PCDH15: variants seen among roughly 807,000 people sequenced by gnomAD.
PCDH15 encodes the protein protocadherin related 15.
A neutral mutation model predicts 178.5 loss-of-function variants in PCDH15; 129 were observed. That is an observed-to-expected ratio of 0.72 (90% confidence interval 0.63 to 0.84). The LOEUF (loss-of-function observed/expected upper bound fraction) is 0.84, where lower values mean the gene tolerates loss of function less well. Among genes scored for constraint, PCDH15 ranks in the 40% least tolerant of loss-of-function variants. The pLI is 0.00. For missense variants in PCDH15, 2,230 were observed against 2,099.9 expected (o/e 1.06, Z -1.21); for synonymous variants, 800 against 732.0 (o/e 1.09, Z -1.50).
At chr10:55,083,426 C>T (rs1265532260) in intron 2 of PCDH15, among the ~76,000 whole-genome samples, 1 of 151,746 alleles carries the variant, frequency 6.6e-6, no homozygotes, top group Admixed American at 6.6e-5. Flanking sequence ...ATAAAAAACA[C>T]ATATGAGAGA....
intron 18 of PCDH15, among the ~76,000 whole-genome samples, chr10:54,051,493 T>C (rs933466435): frequency 6.6e-6 from 1 of 152,176 alleles, no homozygotes; most frequent in African/African-American, 2.4e-5. Context: ...GCTCCTGCTA[T>C]GCAAAGAGAC....
At chr10:55,136,007 A>G (rs571232892) in intron 2 of PCDH15, among the ~76,000 whole-genome samples, 1 of 152,336 alleles carries the variant, frequency 6.6e-6, no homozygotes, top group African/African-American at 2.4e-5. Context: ...CACAAAAGCA[A>G]AATACATAAT....
In PCDH15 at chr10:54,444,825, A is replaced by T. The variant is rs548832152; in HGVS notation, c.158-65883T>A. On this transcript the variant is annotated intron_variant, in intron 3 of 37. Coordinates refer to ENST00000644397, the MANE Select transcript of PCDH15 (RefSeq NM_001384140.1). Reference sequence around the variant, plus strand: ...ATAGGACCATTCTATTTATTTTCCTAAACTCTGGCAGCAAGATTAGCTCTA... The same window carrying T: ...ATAGGACCATTCTATTTATTTTCCTTAACTCTGGCAGCAAGATTAGCTCTA... Among the ~76,000 whole-genome samples, 236 of 151,706 alleles carry T rather than the reference A, an allele frequency of 1.6e-3. 1 individual carries two copies. The highest frequency in any genetic ancestry group is 5.5e-3 in the African/African-American group (229 of 41,442).
At chr10:53,899,146 G>GA (rs1554850749) in intron 26 of PCDH15, among the ~76,000 whole-genome samples, 2 of 149,654 alleles carry the variant, frequency 1.3e-5, no homozygotes, top group Non-Finnish European at 3.0e-5. Flanking sequence ...TTTTTTCGGG[G>GA]GGGGGTGGTC....
At chr10:55,186,759 G>GTA in intron 1 of PCDH15, among the ~76,000 whole-genome samples, 1 of 151,230 alleles carries the variant, frequency 6.6e-6, no homozygotes, top group African/African-American at 2.4e-5. Context: ...GTGTGTGTGT[G>GTA]TATTTTTTTT....
chr10:53,906,198 G>T (rs2082670023), intron 25 of PCDH15, among the ~76,000 whole-genome samples: 2 of 151,548 alleles, frequency 1.3e-5, no homozygotes, highest in African/African-American at 4.8e-5. Context: ...TGACTTAGAT[G>T]TTAGAATAAA....
At chr10:54,814,631 G>A (rs117001842) in intron 3 of PCDH15, among the ~76,000 whole-genome samples, 6,076 of 152,160 alleles carry the variant, frequency 0.04, 187 homozygotes, top group Non-Finnish European at 0.062. Flanking sequence ...ATCAGAATAA[G>A]GTCTTTCTGT....
chr10:55,198,649 A>T (rs1293686380), intron 1 of PCDH15, among the ~76,000 whole-genome samples: 2 of 148,998 alleles, frequency 1.3e-5, no homozygotes, highest in Non-Finnish European at 3.0e-5. Context: ...CACCACGCCC[A>T]GCTAATTTTT....
intron 3 of PCDH15, among the ~76,000 whole-genome samples, chr10:54,855,319 C>T (rs1591744926): frequency 6.6e-6 from 1 of 152,164 alleles, no homozygotes; most frequent in African/African-American, 2.4e-5. Flanking sequence ...GGGACTCCTG[C>T]TTGCTCTTGG....
chr10:54,387,950 G>T (rs1471534045), intron 3 of PCDH15, among the ~76,000 whole-genome samples: 9 of 152,092 alleles, frequency 5.9e-5, no homozygotes, highest in Non-Finnish European at 1.2e-4. Context: ...TGACAAAGTA[G>T]GTTGTTACCA....
intron 21 of PCDH15, among the ~76,000 whole-genome samples, chr10:53,988,904 G>GA (rs574627088): frequency 9.9e-5 from 15 of 151,600 alleles, no homozygotes; most frequent in Admixed American, 3.3e-4. Flanking sequence ...ATTGAGAAAA[G>GA]AAAAAAAACA....
At chr10:54,537,545 T>C (rs922393373) in intron 2 of PCDH15, among the ~76,000 whole-genome samples, 9 of 152,132 alleles carry the variant, frequency 5.9e-5, no homozygotes, top group Admixed American at 3.3e-4. Flanking sequence ...CCAAGGCAAA[T>C]AAAGCTGCAC....
chr10:55,047,061 A>C (rs1181458514), intron 2 of PCDH15, among the ~76,000 whole-genome samples: 2 of 151,824 alleles, frequency 1.3e-5, no homozygotes, highest in African/African-American at 4.8e-5. Flanking sequence ...CTTCAGTTGA[A>C]TATCTAAGAT....
intron 1 of PCDH15, among the ~76,000 whole-genome samples, chr10:54,739,678 A>G (rs917243858): frequency 6.6e-6 from 1 of 151,962 alleles, no homozygotes; most frequent in African/African-American, 2.4e-5. Context: ...ATGCCGTCAT[A>G]GAAATATACA....
At chr10:53,885,714 T>C (rs1400614519) in intron 26 of PCDH15, among the ~76,000 whole-genome samples, 1 of 152,188 alleles carries the variant, frequency 6.6e-6, no homozygotes, top group Non-Finnish European at 1.5e-5. Flanking sequence ...TCAGTATTCA[T>C]ATAAGAGAAC....
At chr10:53,947,667 TC>T (rs2086686789) in intron 23 of PCDH15, among the ~76,000 whole-genome samples, 1 of 152,074 alleles carries the variant, frequency 6.6e-6, no homozygotes, top group Non-Finnish European at 1.5e-5. Context: ...AAGACATGAA[TC>T]AGGAGAGAGA....
chr10:54,598,695 G>A (rs1367091575), intron 2 of PCDH15, among the ~76,000 whole-genome samples: 3 of 152,162 alleles, frequency 2.0e-5, no homozygotes, highest in Non-Finnish European at 4.4e-5. Context: ...AATCCTGTTT[G>A]CAGATGAAAT....
At chr10:55,260,551 T>G (rs1842122812) in intron 1 of PCDH15, among the ~76,000 whole-genome samples, 1 of 152,194 alleles carries the variant, frequency 6.6e-6, no homozygotes, top group Non-Finnish European at 1.5e-5. Flanking sequence ...TATCAATGTT[T>G]CCATGGAGTT....
chr10:55,528,562 T>A (rs551411659), intron 2 of PCDH15, among the ~76,000 whole-genome samples: 1 of 152,254 alleles, frequency 6.6e-6, no homozygotes, highest in South Asian at 2.1e-4. Flanking sequence ...GAACTCATCA[T>A]TTTTTATGGC....
Sources: allele counts gnomAD v4.1 joint callset (sites outside exome capture counted in the v4.1 genomes callset), GRCh38; gene constraint gnomAD v4.1.1; transcripts MANE v1.5; gene names NCBI Gene and HGNC (gene_info 2026-07-23, HGNC 2026-07-21).